The following XPR1 variants were observed in gnomAD, a reference collection of about 807,000 sequenced individuals.
The protein encoded by XPR1 is solute carrier family 53 member 1.
In XPR1, 28 loss-of-function variants were observed where a neutral mutation model predicts 87.5. The observed-to-expected ratio is 0.32, with a 90% CI of 0.24 to 0.44. XPR1 has a LOEUF of 0.44. XPR1 is among the 20% of genes least tolerant of loss of function. XPR1 has a pLI of 1.00. For missense variants in XPR1, 559 were observed against 862.3 expected (o/e 0.65, Z 4.41); for synonymous variants, 300 against 306.1 (o/e 0.98, Z 0.21).
chr1:180,716,056 C>T (rs776521392), intron 2 of XPR1, among the ~76,000 whole-genome samples: 1 of 152,174 alleles, frequency 6.6e-6, no homozygotes, highest in Middle Eastern at 3.4e-3. Context: ...GTGGACAATC[C>T]CTAGAGTGGA....
intron 2 of XPR1, among the ~76,000 whole-genome samples, chr1:180,782,153 T>C (rs1264809014): frequency 6.6e-6 from 1 of 151,812 alleles, no homozygotes; most frequent in Admixed American, 6.6e-5. Context: ...TTATTTTTTT[T>C]CTCTCGTTTG....
At chr1:180,875,159 G>A (rs1435937343) in intron 13 of XPR1, among the ~76,000 whole-genome samples, 1 of 152,116 alleles carries the variant, frequency 6.6e-6, no homozygotes, top group Non-Finnish European at 1.5e-5. Flanking sequence ...CAAATGTTTA[G>A]AAATTAAGCA....
chr1:180,760,465 C>A (rs1027943163), intron 2 of XPR1, among the ~76,000 whole-genome samples: 1 of 152,054 alleles, frequency 6.6e-6, no homozygotes, highest in Admixed American at 6.6e-5. Flanking sequence ...TGTTATACAC[C>A]AATAACAGAC....
chr1:180,673,590 G>A (rs61809313), intron 1 of XPR1, among the ~76,000 whole-genome samples: 15 of 152,176 alleles, frequency 9.9e-5, no homozygotes, highest in East Asian at 5.8e-4. Context: ...GTGTATTACC[G>A]CCTGAGCTCT....
At chr1:180,800,926 C>G (rs983467691) in intron 3 of XPR1, among the ~76,000 whole-genome samples, 1 of 152,122 alleles carries the variant, frequency 6.6e-6, no homozygotes, top group Non-Finnish European at 1.5e-5. Context: ...GTTGTAGTGA[C>G]TAATATCAAG....
rs531373708 is a variant in XPR1, at chr1:180,761,118, A to G, written c.122-26635A>G. On this transcript the variant is annotated intron_variant, in intron 2 of 14. Transcript: ENST00000367590. Reference sequence around the variant, plus strand: ...TACACCTTATAGAAAAATTAATTCAAGATGGATTAAAGATTTAAATGTTAG... The same window carrying G: ...TACACCTTATAGAAAAATTAATTCAGGATGGATTAAAGATTTAAATGTTAG... Among the ~76,000 whole-genome samples the G allele has an allele frequency of 4.1e-3, 624 of 152,360 alleles. 1 individual carries two copies. Among genetic ancestry groups the G allele is most frequent in the Non-Finnish European group, 7.1e-3 (482 of 68,034 alleles).
intron 5 of XPR1, 125 bp downstream of exon 5, chr1:180,806,336 A>AT (rs139348916): frequency 0.014 from 20,190 of 1,457,788 alleles, 367 homozygotes; most frequent in African/African-American, 0.086. Flanking sequence ...CTTACCTGTG[A>AT]TTTTTTTTCA....
At chr1:180,655,540 A>G (rs1655427121) in intron 1 of XPR1, among the ~76,000 whole-genome samples, 2 of 151,732 alleles carry the variant, frequency 1.3e-5, no homozygotes, top group African/African-American at 2.4e-5. Flanking sequence ...AGCTGGGACT[A>G]TAGTCGTGCA....
intron 2 of XPR1, among the ~76,000 whole-genome samples, chr1:180,741,330 A>AT (rs936922113): frequency 2.0e-5 from 3 of 151,534 alleles, no homozygotes; most frequent in African/African-American, 7.3e-5. Flanking sequence ...CGCCGAGCTA[A>AT]TTTTTTTGTA....
chr1:180,639,044 C>A (rs1015764514), intron 1 of XPR1, among the ~76,000 whole-genome samples: 35 of 152,152 alleles, frequency 2.3e-4, no homozygotes, highest in African/African-American at 8.4e-4. Context: ...CACCTGTAAT[C>A]CCAGTACTTT....
Position 180,890,003 on chromosome 1 carries a change from C to T in XPR1, c.*5937C>T, listed in dbSNP as rs1389303331. On this transcript the variant is annotated 3_prime_UTR_variant, in exon 15 of 15. Transcript: ENST00000367590. ...CGAAGAATTGATGCTTGCTTGGACT[C>T]ATGTTGTATCTGTGACTATGCTATT... is the stretch of plus-strand genomic sequence containing the variant. 1 of 152,194 alleles carries T rather than the reference C, an allele frequency of 6.6e-6. No individual in the cohort carries two copies. Among genetic ancestry groups the T allele is most frequent in the African/African-American group, 2.4e-5 (1 of 41,440 alleles). 9.4% of individuals were successfully genotyped at this position (152,194 alleles called of 1,614,324 possible). A position where few individuals can be genotyped will look rare whatever the true frequency, so the allele number is the denominator to read the frequency against.
In XPR1 at chr1:180,888,138, C is replaced by T. The variant is rs1227417664; in HGVS notation, c.*4072C>T. The T allele has an allele frequency of 6.6e-6, 1 of 152,182 alleles. No individual in the cohort carries two copies. The highest frequency in any genetic ancestry group is 1.5e-5 in the Non-Finnish European group (1 of 68,038). 9.4% of individuals were successfully genotyped at this position (152,182 alleles called of 1,614,324 possible). A position where few individuals can be genotyped will look rare whatever the true frequency, so the allele number is the denominator to read the frequency against. ...GTGGTTATTAAATTGCTGGGAAAGA[C>T]CTGCCTTTATTTTCCTATCATCTTT... On this transcript the variant is annotated 3_prime_UTR_variant, in exon 15 of 15. Coordinates refer to ENST00000367590, the MANE Select transcript of XPR1 (RefSeq NM_004736.4).
At position 180,885,688 on chromosome 1, in the gene XPR1, C is replaced by G. The variant is rs142270966; in HGVS notation, c.*1622C>G. On this transcript the variant is annotated 3_prime_UTR_variant, in exon 15 of 15. Coordinates refer to ENST00000367590, the MANE Select transcript of XPR1 (RefSeq NM_004736.4). ...CAGATTCATGAAAGTAAATTTAGTC[C>G]TATAATTTTCAGCTTAATTATAAAC... 5.5e-4 allele frequency: 83 copies of G among 152,214 alleles called. No homozygotes were observed. The highest frequency in any genetic ancestry group is 1.8e-3 in the African/African-American group (76 of 41,540). 9.4% of individuals were successfully genotyped at this position (152,214 alleles called of 1,614,324 possible).
chr1:180,834,362 G>A (rs1246256121), intron 9 of XPR1, among the ~76,000 whole-genome samples: 3 of 152,188 alleles, frequency 2.0e-5, no homozygotes, highest in Admixed American at 2.0e-4. Flanking sequence ...ACAGGTGTGA[G>A]TCACCACACC....
chr1:180,844,206 G>A (rs1364103042), intron 11 of XPR1, among the ~76,000 whole-genome samples: 6 of 152,074 alleles, frequency 3.9e-5, no homozygotes, highest in South Asian at 2.1e-4. Context: ...GCAAGACTCC[G>A]TCTAAGAAAA....
intron 11 of XPR1, among the ~76,000 whole-genome samples, chr1:180,843,839 A>G (rs1651594166): frequency 6.6e-6 from 1 of 152,162 alleles, no homozygotes; most frequent in Admixed American, 6.5e-5. Context: ...CATTTGTAAC[A>G]CTCGTGTACA....
At chr1:180,820,686 A>T (rs776819549) in intron 7 of XPR1, among the ~76,000 whole-genome samples, 2 of 152,168 alleles carry the variant, frequency 1.3e-5, no homozygotes, top group Non-Finnish European at 2.9e-5. Context: ...CTAGCAGTTT[A>T]TGAGGATTCT....
At chr1:180,678,313 AAGTTCTAATCCTCTAATCAC>A (rs569081116) in intron 1 of XPR1, among the ~76,000 whole-genome samples, 149 of 152,274 alleles carry the variant, frequency 9.8e-4, no homozygotes, top group African/African-American at 3.3e-3. Flanking sequence ...GTGGGGCTGA[AAGTTCTAATCCTCTAATCAC>A]TTGATTTTTT....
chr1:180,885,893 CAAAT>C lies in XPR1; in HGVS notation c.*1829_*1832del, dbSNP rs1202853317. On this transcript the variant is annotated 3_prime_UTR_variant, in exon 15 of 15. Transcript: ENST00000367590. Reference sequence around the variant, plus strand: ...TAGAAAATTTTTATCAATTAACTGACAAATAGTTTCTTTTTAAAGTAGTTTCTTC... The same window carrying C: ...TAGAAAATTTTTATCAATTAACTGACAGTTTCTTTTTAAAGTAGTTTCTTC... 6.6e-6 allele frequency: 1 copy of C among 152,268 alleles called. No homozygotes were observed. The highest frequency in any genetic ancestry group is 2.4e-5 in the African/African-American group (1 of 41,548). 9.4% of individuals were successfully genotyped at this position (152,268 alleles called of 1,614,324 possible).
Sources: allele counts gnomAD v4.1 joint callset (sites outside exome capture counted in the v4.1 genomes callset), GRCh38; gene constraint gnomAD v4.1.1; transcripts MANE v1.5; gene names NCBI Gene and HGNC (gene_info 2026-07-23, HGNC 2026-07-21).